Variants in RNF168 observed in about 807,000 individuals in gnomAD.
RNF168 encodes ring finger protein 168, also known as E3 ubiquitin-protein ligase RNF168.
A neutral mutation model predicts 34.9 loss-of-function variants in RNF168; 34 were observed. That is an observed-to-expected ratio of 0.97 (90% confidence interval 0.74 to 1.30). The LOEUF (loss-of-function observed/expected upper bound fraction) is 1.30. RNF168 is among the 50% of genes most tolerant of loss of function. The pLI, the probability that RNF168 is intolerant of heterozygous loss-of-function variation, is 0.00. For missense variants in RNF168, 725 were observed against 682.5 expected, an observed-to-expected ratio of 1.06 and a Z score of -0.69; for synonymous variants, 264 against 254.7, an observed-to-expected ratio of 1.04 and a Z score of -0.35.
intron 4 of RNF168, among the ~76,000 whole-genome samples, chr3:196,475,942 C>G (rs1171530408): frequency 6.6e-6 from 1 of 151,700 alleles, no homozygotes; most frequent in African/African-American, 2.4e-5. Context: ...TCACTGCAAC[C>G]TCCGCCTCCC....
In RNF168 at chr3:196,472,376, T is replaced by C. The variant is rs775096335; in HGVS notation, c.1159A>G (p.Lys387Glu). Residue 387 changes from lysine to glutamate, a missense_variant, in exon 6 of 6, where the codon AAA becomes GAA. Transcript: ENST00000318037. The stretch of plus-strand genomic sequence containing the variant: ...AAGGAAGATTCTTGGTTTTTTCTTT[T>C]GGAAATCTCCTTACTGATCAGTAGG... ...SCLLISKEIS[K>E]RKNQESSFEA... 3.1e-6 allele frequency: 5 copies of C among 1,613,984 alleles called. No individual in the cohort carries two copies. The highest frequency in any genetic ancestry group is 4.5e-5 in the East Asian group (2 of 44,902).
chr3:196,483,194 A>G (rs778316590), intron 4 of RNF168, among the ~76,000 whole-genome samples: 1 of 152,012 alleles, frequency 6.6e-6, no homozygotes, highest in Non-Finnish European at 1.5e-5. Context: ...TCTTGGAAGG[A>G]GATGAGTTAC....
rs2108644076 is a variant in RNF168, at chr3:196,472,491, A to G, written c.1044T>C (p.Cys348=). The part of the protein sequence containing the change: ...PYSKETAVMP[C]GRTESGCAPT... ...GGGCGCACCCACTTTCTGTTCTGCCACAAGGCATAACTGCAGTTTCTTTCG... is the reference window on the plus strand; with the variant it reads ...GGGCGCACCCACTTTCTGTTCTGCCGCAAGGCATAACTGCAGTTTCTTTCG... The change falls in exon 6 of 6, where the codon TGT becomes TGC. Residue 348 remains cysteine, a synonymous_variant. Transcript: ENST00000318037. 1 of 1,614,226 alleles carries G rather than the reference A, an allele frequency of 6.2e-7. No individual in the cohort carries two copies. Among genetic ancestry groups the G allele is most frequent in the Non-Finnish European group, 8.5e-7 (1 of 1,180,042 alleles).
At position 196,488,178 on chromosome 3, in the gene RNF168, A is replaced by T. The variant is rs992295611; in HGVS notation, c.378+429T>A. On this transcript the variant is annotated intron_variant, in intron 2 of 5. Coordinates refer to ENST00000318037, the MANE Select transcript of RNF168 (RefSeq NM_152617.4). ...GCAAAAAACAAAGCCCTTATAAAGTACATTAAAATTATCCATATTTTGGCC... is the reference window on the plus strand; with the variant it reads ...GCAAAAAACAAAGCCCTTATAAAGTTCATTAAAATTATCCATATTTTGGCC... 3.9e-5 allele frequency among the ~76,000 whole-genome samples: 6 copies of T among 152,254 alleles called. No homozygotes were observed. In the East Asian group the frequency reaches 7.7e-4, roughly 20 times the overall value.
Position 196,491,940 on chromosome 3 carries a change from C to G in RNF168, c.302-3257G>C, listed in dbSNP as rs192769340. On this transcript the variant is annotated intron_variant, in intron 1 of 5. Coordinates refer to ENST00000318037, the MANE Select transcript of RNF168 (RefSeq NM_152617.4). The stretch of plus-strand genomic sequence containing the variant: ...ACGAGACACCTAGAGCAATTAAACC[C>G]GTAGAGGCAGAAAGAATGGAGGTCG... Among the ~76,000 whole-genome samples the G allele has an allele frequency of 4.5e-4, 68 of 152,154 alleles. 1 individual carries two copies. The highest frequency in any genetic ancestry group is 3.7e-3 in the Admixed American group (56 of 15,260).
At chr3:196,479,390 G>C (rs906945792) in intron 4 of RNF168, among the ~76,000 whole-genome samples, 3 of 151,796 alleles carry the variant, frequency 2.0e-5, no homozygotes, top group Admixed American at 1.3e-4. Context: ...CGGCAGCCTT[G>C]ACCTCCCAGG....
intron 4 of RNF168, among the ~76,000 whole-genome samples, chr3:196,477,106 ACG>A (rs1732169319): frequency 6.6e-6 from 1 of 152,230 alleles, no homozygotes; most frequent in Non-Finnish European, 1.5e-5. Flanking sequence ...TGAAAACACT[ACG>A]GTTTTAATAG....
At chr3:196,486,596 T>C (rs1732429496) in intron 3 of RNF168, among the ~76,000 whole-genome samples, 1 of 152,134 alleles carries the variant, frequency 6.6e-6, no homozygotes, top group African/African-American at 2.4e-5. Flanking sequence ...AGCTTCCCAA[T>C]GTACTGGGAT....
Position 196,472,645 on chromosome 3 carries a change from G to C in RNF168, c.890C>G (p.Pro297Arg). The change falls in exon 6 of 6, where the codon CCT becomes CGT. Residue 297 changes from proline (P) to arginine (R), a missense_variant. By Grantham distance (103) the Pro-to-Arg change is moderately radical. Coordinates refer to ENST00000318037, the MANE Select transcript of RNF168 (RefSeq NM_152617.4). ...EQGADSSIES[P>R]MPWLCACGAE... ...ACCACAGGCACATAACCATGGCATAGGGGACTCTATTGAAGAATCTGCACC... is the reference window on the plus strand; with the variant it reads ...ACCACAGGCACATAACCATGGCATACGGGACTCTATTGAAGAATCTGCACC... 6.2e-7 allele frequency: 1 copy of C among 1,612,052 alleles called. No homozygotes were observed.
chr3:196,477,775 A>C (rs1387045965), intron 4 of RNF168, among the ~76,000 whole-genome samples: 1 of 152,220 alleles, frequency 6.6e-6, no homozygotes, highest in Non-Finnish European at 1.5e-5. Flanking sequence ...TAATATATGA[A>C]TACATGCTCA....
intron 1 of RNF168, among the ~76,000 whole-genome samples, chr3:196,498,579 C>A (rs1732802884): frequency 6.6e-6 from 1 of 152,144 alleles, no homozygotes; most frequent in Non-Finnish European, 1.5e-5. Flanking sequence ...ACCTTCTCAG[C>A]AACTTTATTC....
At chr3:196,497,207 T>C (rs1577522767) in intron 1 of RNF168, among the ~76,000 whole-genome samples, 1 of 152,128 alleles carries the variant, frequency 6.6e-6, no homozygotes, top group Admixed American at 6.5e-5. Flanking sequence ...ACACTAATAT[T>C]AGAATCAACG....
intron 1 of RNF168, among the ~76,000 whole-genome samples, chr3:196,496,077 T>C (rs766885060): frequency 6.6e-6 from 1 of 152,206 alleles, no homozygotes; most frequent in Non-Finnish European, 1.5e-5. Flanking sequence ...GAAACACCAA[T>C]TATATTTTTA....
chr3:196,480,095 C>T (rs182951797), intron 4 of RNF168, among the ~76,000 whole-genome samples: 8 of 152,298 alleles, frequency 5.3e-5, no homozygotes, highest in African/African-American at 1.7e-4. Flanking sequence ...GGTTTATACA[C>T]ACACAAAAAT....
At chr3:196,488,448 C>T (rs1046073221) in intron 2 of RNF168, among the ~76,000 whole-genome samples, 159 bp downstream of exon 2, 2 of 150,558 alleles carry the variant, frequency 1.3e-5, no homozygotes, top group Non-Finnish European at 2.9e-5. Context: ...CGCCACTGCA[C>T]TCCAGCCTGG....
chr3:196,477,670 G>A (rs1043263145), intron 4 of RNF168, among the ~76,000 whole-genome samples: 1 of 152,174 alleles, frequency 6.6e-6, no homozygotes, highest in African/African-American at 2.4e-5. Flanking sequence ...TTGTTTTGAC[G>A]TTCATAAGCA....
At chr3:196,500,765 G>A (rs1179947354) in intron 1 of RNF168, among the ~76,000 whole-genome samples, 1 of 151,794 alleles carries the variant, frequency 6.6e-6, no homozygotes, top group Non-Finnish European at 1.5e-5. Context: ...AGGCTGGAGT[G>A]CGGTGGCGTG....
Position 196,490,403 on chromosome 3 carries a change from G to C in RNF168, c.302-1720C>G, listed in dbSNP as rs1210371017. On this transcript the variant is annotated intron_variant, in intron 1 of 5. Transcript: ENST00000318037. ...AACTCCAGCTGACTACGACTACCAGGAAACTCAGGCCTGTCCGTGCCATAT... is the reference window on the plus strand; with the variant it reads ...AACTCCAGCTGACTACGACTACCAGCAAACTCAGGCCTGTCCGTGCCATAT... 1.3e-5 allele frequency among the ~76,000 whole-genome samples: 2 copies of C among 152,126 alleles called. 1 individual carries two copies. The highest frequency in any genetic ancestry group is 4.1e-4 in the South Asian group (2 of 4,822).
chr3:196,502,771 C>A (rs1263293545), intron 1 of RNF168, 102 bp downstream of exon 1: 3 of 990,134 alleles, frequency 3.0e-6, no homozygotes, highest in Non-Finnish European at 3.2e-6. Context: ...AAATACTAGT[C>A]GGGTTTTTTG....
Sources: allele counts gnomAD v4.1 joint callset (sites outside exome capture counted in the v4.1 genomes callset), GRCh38; gene constraint gnomAD v4.1.1; transcripts MANE v1.5; gene names NCBI Gene and HGNC (gene_info 2026-07-23, HGNC 2026-07-21).